SIRT3: variants seen among roughly 807,000 people sequenced by gnomAD.
SIRT3 encodes NAD-dependent protein deacetylase sirtuin-3, mitochondrial.
In SIRT3, 26 loss-of-function variants were observed where a neutral mutation model predicts 33.5. The ratio of observed to expected loss-of-function variants is 0.78; its 90% CI spans 0.57 to 1.08. The LOEUF (loss-of-function observed/expected upper bound fraction) is 1.08, where lower values mean the gene tolerates loss of function less well. SIRT3 is among the 50% of genes least tolerant of loss of function. The pLI is 0.00. For missense variants in SIRT3, 585 were observed against 530.1 expected (o/e 1.10, Z -1.02); for synonymous variants, 237 against 222.1 (o/e 1.07, Z -0.60).
At position 216,401 on chromosome 11, in the gene SIRT3, ACAGT is replaced by A; in HGVS notation, c.*293_*296del. On this transcript the variant is annotated 3_prime_UTR_variant, in exon 7 of 7. Coordinates refer to ENST00000382743, the MANE Select transcript of SIRT3 (RefSeq NM_012239.6). ...TGGTCTGATTCAGTTCAAGAGGGTC[ACAGT>A]CAGAAGAAAGCTTTTTCCATTAGGA... 1 of 409,010 alleles carries A rather than the reference ACAGT, an allele frequency of 2.4e-6. No individual in the cohort carries two copies. Among genetic ancestry groups the A allele is most frequent in the East Asian group, 4.3e-5 (1 of 23,524 alleles). 25.3% of individuals were successfully genotyped at this position (409,010 alleles called of 1,614,324 possible).
intron 4 of SIRT3, among the ~76,000 whole-genome samples, chr11:226,559 C>A (rs1162574540): frequency 6.6e-6 from 1 of 151,576 alleles, no homozygotes; most frequent in Non-Finnish European, 1.5e-5. Context: ...CAGATGGGTG[C>A]CACCACAAAT....
At chr11:232,926 C>T (rs556151979) in intron 3 of SIRT3, 57 bp downstream of exon 3, 1 of 1,546,202 alleles carries the variant, frequency 6.5e-7, no homozygotes, top group African/African-American at 1.4e-5. Context: ...CTGGGAGAAA[C>T]AGGCACCCGA....
chr11:229,227 C>A (rs1055671077), intron 4 of SIRT3, among the ~76,000 whole-genome samples: 3 of 152,034 alleles, frequency 2.0e-5, no homozygotes, highest in Non-Finnish European at 4.4e-5. Context: ...AAGAGGCAGG[C>A]GGATCACGAG....
At chr11:217,190 C>T (rs914762951) in intron 6 of SIRT3, among the ~76,000 whole-genome samples, 1 of 152,248 alleles carries the variant, frequency 6.6e-6, no homozygotes, top group Non-Finnish European at 1.5e-5. Flanking sequence ...TGGCTCATGC[C>T]TATAATCCCA....
intron 4 of SIRT3, among the ~76,000 whole-genome samples, chr11:228,720 AAAAT>A (rs1214138872): frequency 4.3e-4 from 66 of 152,254 alleles, no homozygotes; most frequent in African/African-American, 1.5e-3. Context: ...AAAGAGTGAG[AAAAT>A]AAATAGACAA....
At chr11:234,596 T>C (rs1858652903) in intron 1 of SIRT3, among the ~76,000 whole-genome samples, 1 of 151,670 alleles carries the variant, frequency 6.6e-6, no homozygotes, top group South Asian at 2.1e-4. Flanking sequence ...CTTGTATTTT[T>C]AGTAAAGACG....
At chr11:224,735 T>A (rs532730147) in intron 4 of SIRT3, among the ~76,000 whole-genome samples, 1 of 152,184 alleles carries the variant, frequency 6.6e-6, no homozygotes, top group Non-Finnish European at 1.5e-5. Flanking sequence ...ACTCACTGGC[T>A]GGCATTATTA....
At chr11:230,381 A>G in intron 4 of SIRT3, 71 bp downstream of exon 4, 1 of 875,608 alleles carries the variant, frequency 1.1e-6, no homozygotes, top group Non-Finnish European at 1.6e-6. Context: ...GACAATGCTT[A>G]TAAAATACCA....
At position 233,527 on chromosome 11, in the gene SIRT3, C is replaced by T. The variant is rs766916958; in HGVS notation, c.289G>A (p.Gly97Ser). The T allele has an allele frequency of 1.9e-6, 3 of 1,613,762 alleles. No individual in the cohort carries two copies. In the South Asian group the frequency reaches 3.3e-5, roughly 18 times the overall value. The change falls in exon 2 of 7, where the codon GGT becomes AGT. Residue 97 changes from glycine (G) to serine (S), a missense_variant. Physicochemically the swap from Gly to Ser is moderately conservative, Grantham distance 56. Transcript: ENST00000382743. ...GAAAAAGATATGGACCTTCTTCCACCTTTAATACTGACAGAAAAAAACACA... is the reference window on the plus strand; with the variant it reads ...GAAAAAGATATGGACCTTCTTCCACTTTTAATACTGACAGAAAAAAACACA... Reference protein sequence around the residue: ...APSFFFSSIKGGRRSISFSVG... With the variant: ...APSFFFSSIKSGRRSISFSVG...
chr11:232,908 G>A (rs951391322), intron 3 of SIRT3, 75 bp downstream of exon 3: 16 of 1,428,238 alleles, frequency 1.1e-5, no homozygotes, highest in Non-Finnish European at 1.5e-5. Flanking sequence ...ACAGGCACCC[G>A]AGCCTCCCTG....
At chr11:217,011 T>C (rs547749) in intron 6 of SIRT3, among the ~76,000 whole-genome samples, 1 of 152,202 alleles carries the variant, frequency 6.6e-6, no homozygotes, top group African/African-American at 2.4e-5. Context: ...ACCCCTTGGA[T>C]AGTAATGCTG....
rs781079662 is a variant in SIRT3 at position 224,225 on chromosome 11, T to A, written c.822A>T (p.Ala274=). 4 of 1,614,000 alleles carry A rather than the reference T, an allele frequency of 2.5e-6. No individual in the cohort carries two copies. Among genetic ancestry groups the A allele is most frequent in the African/African-American group, 2.7e-5 (2 of 74,942 alleles). The part of the protein sequence containing the change: ...PGEDIRADVM[A]DRVPRCPVCT... Reference sequence around the variant, plus strand: ...AGACCGGGCAGCGGGGAACCCTGTCTGCCATCACGTCAGCCTGGAAAACAG... The same window carrying A: ...AGACCGGGCAGCGGGGAACCCTGTCAGCCATCACGTCAGCCTGGAAAACAG... The change falls in exon 5 of 7, where the codon GCA becomes GCT. Residue 274 remains alanine, a synonymous_variant. Transcript: ENST00000382743.
In SIRT3 at chr11:236,336, G is replaced by GGAGT; in HGVS notation, c.-9_-8insACTC. The GGAGT allele has an allele frequency of 1.5e-6, 2 of 1,371,212 alleles. No individual in the cohort carries two copies. Among genetic ancestry groups the GGAGT allele is most frequent in the Non-Finnish European group, 1.9e-6 (2 of 1,065,474 alleles). 84.9% of individuals were successfully genotyped at this position (1,371,212 alleles called of 1,614,324 possible). A position where few individuals can be genotyped will look rare whatever the true frequency, so the allele number is the denominator to read the frequency against. ...CCAACCCCAGAACGCCATGTTCCGC[G>GGAGT]CAGTCCAAGGAGTCCTCCGGACTCG... On this transcript the variant is annotated 5_prime_UTR_variant, in exon 1 of 7. Coordinates refer to ENST00000382743, the MANE Select transcript of SIRT3 (RefSeq NM_012239.6).
At chr11:228,408 T>G (rs899893334) in intron 4 of SIRT3, among the ~76,000 whole-genome samples, 4 of 152,174 alleles carry the variant, frequency 2.6e-5, no homozygotes, top group Admixed American at 1.3e-4. Context: ...AACCAAAACA[T>G]TATAGTGCAG....
chr11:227,307 G>A (rs1036363962), intron 4 of SIRT3, among the ~76,000 whole-genome samples: 4 of 151,362 alleles, frequency 2.6e-5, no homozygotes, highest in African/African-American at 7.3e-5. Flanking sequence ...GCATGGTGGC[G>A]CATGCCTGCA....
upstream of SIRT3, chr11:236,428 T>TCCGCCTACCGCCC (rs1455972657): frequency 1.4e-6 from 1 of 703,890 alleles, no homozygotes; most frequent in African/African-American, 3.2e-5. Context: ...CAGCCCCGCC[T>TCCGCCTACCGCCC]CCGCCTACCG....
chr11:230,445 A>C lies in SIRT3; in HGVS notation c.807+7T>G. 7.0e-7 allele frequency: 1 copy of C among 1,432,932 alleles called. No individual in the cohort carries two copies. Among genetic ancestry groups the C allele is most frequent in the South Asian group, 1.6e-5 (1 of 62,988 alleles). 88.8% of individuals were successfully genotyped at this position (1,432,932 alleles called of 1,614,324 possible). A position where few individuals can be genotyped will look rare whatever the true frequency, so the allele number is the denominator to read the frequency against. ...GCAGAAGGACAACCAACAGCAGGATAACTCACCCGAATGTCCTCCCCTGGG... is the reference window on the plus strand; with the variant it reads ...GCAGAAGGACAACCAACAGCAGGATCACTCACCCGAATGTCCTCCCCTGGG... On this transcript the variant is annotated splice_region_variant and intron_variant, in intron 4 of 6. Transcript: ENST00000382743.
intron 5 of SIRT3, among the ~76,000 whole-genome samples, chr11:220,137 C>A (rs1315228195): frequency 6.6e-6 from 1 of 151,982 alleles, no homozygotes; most frequent in Non-Finnish European, 1.5e-5. Context: ...CAAGACCAGC[C>A]TGGCCAACAT....
chr11:228,454 G>C (rs1455838640), intron 4 of SIRT3, among the ~76,000 whole-genome samples: 1 of 152,192 alleles, frequency 6.6e-6, no homozygotes, highest in African/African-American at 2.4e-5. Flanking sequence ...GAATAGAATT[G>C]AGACTCTAGA....
Sources: gnomAD v4.1 joint callset for allele counts (sites outside exome capture counted in the v4.1 genomes callset) on GRCh38, gnomAD v4.1.1 for gene constraint, MANE v1.5 for transcripts, NCBI Gene and HGNC (gene_info 2026-07-23, HGNC 2026-07-21) for gene names.